The following APBB2 variants were observed in gnomAD, a reference collection of about 807,000 sequenced individuals.
APBB2 encodes the protein Fe65-like 1.
Under a neutral mutation model 82.5 loss-of-function variants are expected in APBB2, and 38 were observed. The observed-to-expected ratio is 0.46, with a 90% CI of 0.36 to 0.60. The LOEUF (loss-of-function observed/expected upper bound fraction) is 0.60. APBB2 is among the 20% of genes least tolerant of loss of function. APBB2 has a pLI of 0.00. For missense variants in APBB2, 772 were observed against 972.3 expected, an observed-to-expected ratio of 0.79 and a Z score of 2.74; for synonymous variants, 341 against 368.2, an observed-to-expected ratio of 0.93 and a Z score of 0.85.
intron 6 of APBB2, among the ~76,000 whole-genome samples, chr4:40,962,238 A>T (rs1578779874): frequency 6.6e-6 from 1 of 152,158 alleles, no homozygotes; most frequent in Non-Finnish European, 1.5e-5. Flanking sequence ...AGAAACTGCC[A>T]TTTTTTTTAA....
chr4:41,144,692 C>T (rs1023670485), intron 1 of APBB2, among the ~76,000 whole-genome samples: 1 of 152,242 alleles, frequency 6.6e-6, no homozygotes, highest in Non-Finnish European at 1.5e-5. Context: ...TGATGAACAA[C>T]ACTTTCCTAG....
At chr4:40,930,321 A>G (rs933067112) in intron 10 of APBB2, among the ~76,000 whole-genome samples, 1 of 152,184 alleles carries the variant, frequency 6.6e-6, no homozygotes, top group Non-Finnish European at 1.5e-5. Flanking sequence ...ATACAAACAC[A>G]CATATATGGC....
Position 41,105,035 on chromosome 4 carries a change from A to G in APBB2, c.-260-4285T>C, listed in dbSNP as rs578125392. 3.3e-5 allele frequency among the ~76,000 whole-genome samples: 5 copies of G among 152,318 alleles called. No individual in the cohort carries two copies. In the East Asian group the frequency reaches 9.6e-4, roughly 29 times the overall value. On this transcript the variant is annotated intron_variant, in intron 2 of 17. Coordinates refer to ENST00000508593, the MANE Select transcript of APBB2 (RefSeq NM_004307.2). ...CCTGCACACCCAGTAACTACTTCAT[A>G]TAGGGCAGTTACTTTAATAGGACTC...
At chr4:40,903,936 CTATT>C (rs1418190746) in intron 10 of APBB2, among the ~76,000 whole-genome samples, 2 of 152,176 alleles carry the variant, frequency 1.3e-5, no homozygotes, top group African/African-American at 2.4e-5. Context: ...AGCCCACATA[CTATT>C]TATTTCACAT....
At chr4:41,016,861 T>A (rs1346525404) in intron 5 of APBB2, among the ~76,000 whole-genome samples, 1 of 152,004 alleles carries the variant, frequency 6.6e-6, no homozygotes, top group Non-Finnish European at 1.5e-5. Context: ...TTAGTTTATT[T>A]ACGTACTTAT....
intron 10 of APBB2, among the ~76,000 whole-genome samples, chr4:40,931,437 T>C (rs1173008760): frequency 6.6e-6 from 1 of 152,126 alleles, no homozygotes; most frequent in East Asian, 1.9e-4. Context: ...CACCCAGCTA[T>C]TTTTTTATTT....
chr4:41,041,993 C>A (rs926796347), intron 4 of APBB2, among the ~76,000 whole-genome samples: 7 of 151,512 alleles, frequency 4.6e-5, no homozygotes, highest in African/African-American at 1.7e-4. Context: ...CTCCAACTTT[C>A]TTTTTTTTTA....
intron 5 of APBB2, among the ~76,000 whole-genome samples, chr4:41,022,632 T>C (rs1223196600): frequency 6.6e-6 from 1 of 152,234 alleles, no homozygotes; most frequent in Non-Finnish European, 1.5e-5. Context: ...GTTTTACTTT[T>C]ACTATTAACC....
At chr4:40,939,547 C>G (rs536851960) in intron 7 of APBB2, among the ~76,000 whole-genome samples, 15 of 152,280 alleles carry the variant, frequency 9.9e-5, no homozygotes, top group African/African-American at 3.4e-4. Flanking sequence ...ACCTGGAATT[C>G]CAAGGACTAC....
chr4:40,969,544 T>C (rs1013358775), intron 6 of APBB2, among the ~76,000 whole-genome samples: 6 of 152,176 alleles, frequency 3.9e-5, no homozygotes, highest in Non-Finnish European at 7.3e-5. Flanking sequence ...GTTCAAAAAT[T>C]ACATGTCAAT....
chr4:41,179,626 C>A (rs1358827297), intron 1 of APBB2, among the ~76,000 whole-genome samples: 1 of 152,164 alleles, frequency 6.6e-6, no homozygotes, highest in African/African-American at 2.4e-5. Flanking sequence ...CAGCAATAAA[C>A]CTGCAATAAT....
chr4:40,865,519 C>A (rs1299554895), intron 12 of APBB2, among the ~76,000 whole-genome samples: 2 of 152,174 alleles, frequency 1.3e-5, no homozygotes, highest in African/African-American at 2.4e-5. Context: ...TGCAGTTTTG[C>A]CTTTTCCAAA....
chr4:41,010,716 T>C (rs1326922844), intron 6 of APBB2, among the ~76,000 whole-genome samples: 1 of 152,186 alleles, frequency 6.6e-6, no homozygotes, highest in Non-Finnish European at 1.5e-5. Flanking sequence ...TGGAATAGTA[T>C]ACATAATACT....
At chr4:41,186,388 C>A (rs190940420) in intron 1 of APBB2, among the ~76,000 whole-genome samples, 40 of 152,308 alleles carry the variant, frequency 2.6e-4, no homozygotes, top group African/African-American at 9.1e-4. Flanking sequence ...ATGTTATTCA[C>A]TTGTCTGGTA....
chr4:41,152,619 C>T (rs143677149), intron 1 of APBB2, among the ~76,000 whole-genome samples: 6,270 of 152,256 alleles, frequency 0.041, 147 homozygotes, highest in Middle Eastern at 0.058. Flanking sequence ...TGAGCCACCG[C>T]GCCCGGCCTT....
intron 5 of APBB2, among the ~76,000 whole-genome samples, chr4:41,022,601 T>C (rs939828198): frequency 2.0e-5 from 3 of 152,216 alleles, no homozygotes; most frequent in African/African-American, 7.2e-5. Context: ...AATGCATTTC[T>C]ATTACAGCAT....
chr4:40,851,744 T>A (rs944855217), intron 12 of APBB2, among the ~76,000 whole-genome samples: 2,231 of 59,406 alleles, frequency 0.038, 39 homozygotes, highest in African/African-American at 0.09. Flanking sequence ...ATATATTTTT[T>A]TTTTTTTTTT....
chr4:41,085,610 G>A (rs908147512), intron 3 of APBB2, among the ~76,000 whole-genome samples: 5 of 152,060 alleles, frequency 3.3e-5, no homozygotes, highest in African/African-American at 4.8e-5. Context: ...ATCCACAAGA[G>A]AGTAACCACA....
intron 6 of APBB2, among the ~76,000 whole-genome samples, chr4:40,973,216 G>A (rs1040016640): frequency 1.6e-4 from 24 of 152,170 alleles, no homozygotes; most frequent in African/African-American, 5.6e-4. Flanking sequence ...ACCAATAAGA[G>A]GCTCAGCAAG....
Sources: allele counts gnomAD v4.1 joint callset (sites outside exome capture counted in the v4.1 genomes callset), GRCh38; gene constraint gnomAD v4.1.1; transcripts MANE v1.5; gene names NCBI Gene and HGNC (gene_info 2026-07-23, HGNC 2026-07-21).